TECPR2: variants seen among roughly 807,000 people sequenced by gnomAD.
TECPR2 encodes the protein tectonin beta-propeller repeat-containing protein 2.
Under a neutral mutation model 138.1 loss-of-function variants are expected in TECPR2, and 65 were observed. The ratio of observed to expected loss-of-function variants is 0.47; its 90% CI spans 0.39 to 0.58. TECPR2 has a LOEUF of 0.58. Ranked by LOEUF, TECPR2 falls within the 20% of genes least tolerant of loss-of-function variation. TECPR2 has a pLI of 0.00. For synonymous variants in TECPR2, 746 were observed against 749.8 expected, an observed-to-expected ratio of 0.99 and a Z score of 0.08; for missense variants, 1,553 against 1,824.5, an observed-to-expected ratio of 0.85 and a Z score of 2.71.
rs753829645 is a variant in TECPR2 at position 102,407,368 on chromosome 14, C to G, written c.250C>G (p.Leu84Val). The G allele has an allele frequency of 5.0e-6, 8 of 1,612,930 alleles. No homozygotes were observed. The African/African-American group carries it at 9.3e-5, about 19-fold the overall frequency. Reference sequence around the variant, plus strand: ...GACGGAATCTATCACTGTGGTGAAGCTGCTGAGCTGCTTTGATGACCTGGT... The same window carrying G: ...GACGGAATCTATCACTGTGGTGAAGGTGCTGAGCTGCTTTGATGACCTGGT... ...GKTESITVVK[L>V]LSCFDDLVAA... Residue 84 changes from leucine (L) to valine (V), a missense_variant, in exon 3 of 20, where the codon CTG becomes GTG. Leu to Val is a conservative substitution (Grantham distance 32). Coordinates refer to ENST00000359520, the MANE Select transcript of TECPR2 (RefSeq NM_014844.5).
chr14:102,495,060 A>G (rs1891245170), intron 17 of TECPR2, among the ~76,000 whole-genome samples: 1 of 151,890 alleles, frequency 6.6e-6, no homozygotes, highest in Admixed American at 6.6e-5. Flanking sequence ...AACAAAATAC[A>G]AAAATTAGCC....
chr14:102,462,806 G>C (rs558576108), intron 16 of TECPR2, among the ~76,000 whole-genome samples: 1 of 152,180 alleles, frequency 6.6e-6, no homozygotes. Context: ...TACAATGCAC[G>C]TATCTGACAA....
chr14:102,405,807 C>CAAAATGTAG (rs1050097174), intron 2 of TECPR2, among the ~76,000 whole-genome samples: 2 of 151,980 alleles, frequency 1.3e-5, no homozygotes, highest in African/African-American at 4.8e-5. Context: ...AATGGATAAA[C>CAAAATGTAG]AAAATGTAGT....
chr14:102,379,474 G>C (rs80215838), intron 2 of TECPR2, among the ~76,000 whole-genome samples: 1 of 125,806 alleles, frequency 7.9e-6, no homozygotes, highest in African/African-American at 3.1e-5. Context: ...GCACAGAGGC[G>C]TCCTGGTCAC....
intron 9 of TECPR2, 140 bp from the exon 10 acceptor site, chr14:102,437,882 G>A: frequency 1.0e-6 from 1 of 952,464 alleles, no homozygotes; most frequent in East Asian, 2.5e-5. Context: ...CAGGGGTTGG[G>A]AGAAGGGTTG....
intron 17 of TECPR2, among the ~76,000 whole-genome samples, chr14:102,494,479 G>T (rs996083490): frequency 6.6e-6 from 1 of 151,880 alleles, no homozygotes; most frequent in Non-Finnish European, 1.5e-5. Context: ...GAAGGCAGAG[G>T]TTGCAGTGAG....
intron 13 of TECPR2, among the ~76,000 whole-genome samples, chr14:102,448,084 G>A (rs1049722685): frequency 3.3e-5 from 5 of 151,978 alleles, no homozygotes; most frequent in Admixed American, 3.3e-4. Flanking sequence ...AATACCTTTT[G>A]TGTACTTGTA....
intron 11 of TECPR2, among the ~76,000 whole-genome samples, chr14:102,441,409 G>A (rs1173325565): frequency 6.7e-6 from 1 of 148,770 alleles, no homozygotes; most frequent in African/African-American, 2.5e-5. Context: ...AGGTGTGGTG[G>A]CTCATGCCTG....
At chr14:102,372,923 A>AT (rs1264289228) in intron 1 of TECPR2, among the ~76,000 whole-genome samples, 1 of 152,188 alleles carries the variant, frequency 6.6e-6, no homozygotes, top group African/African-American at 2.4e-5. Flanking sequence ...CAAAAAAAAA[A>AT]GCAACTTTTT....
chr14:102,436,922 T>C (rs1889685601), intron 9 of TECPR2: 1 of 920,030 alleles, frequency 1.1e-6, no homozygotes. Flanking sequence ...GGGTGGGGTA[T>C]TGGAATTCTA....
intron 17 of TECPR2, among the ~76,000 whole-genome samples, chr14:102,472,172 G>A (rs962210428): frequency 1.7e-4 from 26 of 152,216 alleles, no homozygotes; most frequent in African/African-American, 1.7e-4. Context: ...GGAAGCTGCC[G>A]ATCTCAGTCC....
intron 2 of TECPR2, among the ~76,000 whole-genome samples, chr14:102,394,485 C>T (rs772405831): frequency 2.6e-5 from 4 of 152,074 alleles, no homozygotes; most frequent in Non-Finnish European, 4.4e-5. Context: ...ACTTGTATTC[C>T]CAGCTACTTG....
In TECPR2 at chr14:102,449,884, G is replaced by A. The variant is rs1276722868; in HGVS notation, c.3316+15G>A. ...AAGTCTCATAGGTGGGTGAATTGCT[G>A]TAATTTTCACACTGGCTTTATAGGC... On this transcript the variant is annotated intron_variant, in intron 14 of 19. Coordinates refer to ENST00000359520, the MANE Select transcript of TECPR2 (RefSeq NM_014844.5). 1.2e-6 allele frequency: 2 copies of A among 1,610,010 alleles called. No homozygotes were observed. The highest frequency in any genetic ancestry group is 1.7e-5 in the Admixed American group (1 of 59,852).
At chr14:102,469,660 G>A (rs1368596730) in intron 17 of TECPR2, among the ~76,000 whole-genome samples, 1 of 152,142 alleles carries the variant, frequency 6.6e-6, no homozygotes, top group Non-Finnish European at 1.5e-5. Context: ...TTAAGGGGAA[G>A]GCATTCAGTC....
intron 5 of TECPR2, among the ~76,000 whole-genome samples, chr14:102,424,353 G>C (rs1889259537): frequency 6.6e-6 from 1 of 152,132 alleles, no homozygotes. Context: ...TGTTTTTGAA[G>C]CAGAGTCTTG....
chr14:102,443,515 T>C lies in TECPR2; in HGVS notation c.2753-132T>C. On this transcript the variant is annotated intron_variant, in intron 11 of 19. Transcript: ENST00000359520. The surrounding 1 kb of genome is among the most constrained non-coding windows in gnomAD (Gnocchi z 4.9). ...TTAATTAATTAATTAATTAAAGTTT[T>C]TTTTTAAAGCACTCATCATAAAAGA... 3.7e-6 allele frequency: 3 copies of C among 816,722 alleles called. No individual in the cohort carries two copies. Among genetic ancestry groups the C allele is most frequent in the Non-Finnish European group, 5.0e-6 (3 of 597,008 alleles). 50.6% of individuals were successfully genotyped at this position (816,722 alleles called of 1,614,324 possible). A position where few individuals can be genotyped will look rare whatever the true frequency, so the allele number is the denominator to read the frequency against.
At chr14:102,488,881 C>A (rs1248772133) in intron 17 of TECPR2, among the ~76,000 whole-genome samples, 1 of 148,286 alleles carries the variant, frequency 6.7e-6, no homozygotes, top group Admixed American at 6.7e-5. Flanking sequence ...CCAGAACATT[C>A]TTTTTTTTTT....
rs1191732999 is a variant in TECPR2 at position 102,498,175 on chromosome 14, G to A, written c.4154G>A (p.Ser1385Asn). The A allele has an allele frequency of 6.2e-7, 1 of 1,612,138 alleles. No individual in the cohort carries two copies. The highest frequency in any genetic ancestry group is 1.3e-5 in the African/African-American group (1 of 74,954). Residue 1385 changes from serine (S) to asparagine (N), a missense_variant, in exon 20 of 20, where the codon AGC (serine) becomes AAC (asparagine). By Grantham distance (46) the Ser-to-Asn change is conservative (BLOSUM62 1). Coordinates refer to ENST00000359520, the MANE Select transcript of TECPR2 (RefSeq NM_014844.5). ...CTCCAACGGCTGACAAAGACGTTCA[G>A]CCACTCGCACGGCACCCAGAAGAGC... Reference protein sequence around the residue: ...YLLQRLTKTFSHSHGTQKSSQ... With the variant: ...YLLQRLTKTFNHSHGTQKSSQ...
intron 17 of TECPR2, among the ~76,000 whole-genome samples, chr14:102,472,098 T>C (rs1296669356): frequency 1.3e-5 from 2 of 152,220 alleles, no homozygotes; most frequent in Non-Finnish European, 2.9e-5. Context: ...TGAGCGCCCA[T>C]GTGCCTTGCC....
Sources: gnomAD v4.1 joint callset for allele counts (sites outside exome capture counted in the v4.1 genomes callset) on GRCh38, gnomAD v4.1.1 for gene constraint, Gnocchi (gnomAD v3.1) non-coding constraint, MANE v1.5 for transcripts, NCBI Gene and HGNC (gene_info 2026-07-23, HGNC 2026-07-21) for gene names.